MLLT3: variants seen among roughly 807,000 people sequenced by gnomAD.
MLLT3 encodes protein AF-9.
In MLLT3, 4 loss-of-function variants were observed where a neutral mutation model predicts 53.2. That is an observed-to-expected ratio of 0.08 (90% CI 0.04 to 0.17). MLLT3 has a LOEUF of 0.17. MLLT3 is among the 10% of genes least tolerant of loss of function. MLLT3 has a pLI of 1.00. For synonymous variants in MLLT3, 283 were observed against 230.6 expected, an observed-to-expected ratio of 1.23 and a Z score of -2.06; for missense variants, 569 against 684.0, an observed-to-expected ratio of 0.83 and a Z score of 1.87.
chr9:20,420,633 G>A lies in MLLT3; in HGVS notation c.421-6208C>T, dbSNP rs181954977. Among the ~76,000 whole-genome samples, 9 of 152,160 alleles carry A rather than the reference G, an allele frequency of 5.9e-5. No homozygotes were observed. The East Asian group carries it at 1.4e-3, about 23-fold the overall frequency. ...GACCTCATAAAACACAATGAGTACA[G>A]ACACAGTATAATTGACCAAAACAAC... On this transcript the variant is annotated intron_variant, in intron 4 of 10. Transcript: ENST00000380338.
At chr9:20,593,411 G>C (rs1382182372) in intron 2 of MLLT3, among the ~76,000 whole-genome samples, 2 of 152,144 alleles carry the variant, frequency 1.3e-5, no homozygotes, top group African/African-American at 2.4e-5. Context: ...TCTTATCTGA[G>C]ATTCCTTATG....
At chr9:20,417,759 C>A (rs1352907811) in intron 4 of MLLT3, among the ~76,000 whole-genome samples, 1 of 152,070 alleles carries the variant, frequency 6.6e-6, no homozygotes, top group African/African-American at 2.4e-5. Flanking sequence ...TTTTTTGGAA[C>A]AGAATGGGTA....
chr9:20,561,062 A>C (rs1439379249), intron 2 of MLLT3, among the ~76,000 whole-genome samples: 1 of 152,196 alleles, frequency 6.6e-6, no homozygotes, highest in Non-Finnish European at 1.5e-5. Flanking sequence ...ACCAGGGAAC[A>C]TGTATCTACT....
chr9:20,622,245 C>T lies in MLLT3; in HGVS notation c.12G>A (p.Ser4=). Residue 4 remains serine (S), a splice_region_variant and synonymous_variant, in exon 1 of 11, where the codon TCG becomes TCA. Coordinates refer to ENST00000380338, the MANE Select transcript of MLLT3 (RefSeq NM_004529.4). MAS[S]CAVQVKLELG... is the part of the protein sequence containing the mutation. ...TATTATTATTTTTGCGCGTACTTAC[C>T]GAGCTAGCCATGCCTGGGGGCCCGG... is the stretch of plus-strand genomic sequence containing the variant. The T allele has an allele frequency of 6.2e-7, 1 of 1,601,080 alleles. No homozygotes were observed. The highest frequency in any genetic ancestry group is 8.5e-7 in the Non-Finnish European group (1 of 1,173,176).
intron 6 of MLLT3, 52 bp from the exon 7 acceptor site, chr9:20,363,657 TA>T: frequency 6.3e-7 from 1 of 1,578,268 alleles, no homozygotes; most frequent in Non-Finnish European, 8.6e-7. Context: ...CAAACACACT[TA>T]GCCATATTAG....
chr9:20,525,088 G>A (rs1416987093), intron 2 of MLLT3, among the ~76,000 whole-genome samples: 2 of 140,890 alleles, frequency 1.4e-5, no homozygotes, highest in East Asian at 2.1e-4. Context: ...AGACAGGGGA[G>A]AGGATATGAA....
At chr9:20,616,607 G>A (rs1018215104) in intron 2 of MLLT3, among the ~76,000 whole-genome samples, 1 of 152,084 alleles carries the variant, frequency 6.6e-6, no homozygotes, top group Non-Finnish European at 1.5e-5. Context: ...ACATACACTT[G>A]TATAGACATA....
intron 5 of MLLT3, among the ~76,000 whole-genome samples, chr9:20,404,882 A>G (rs1341249882): frequency 6.6e-6 from 1 of 152,044 alleles, no homozygotes; most frequent in East Asian, 1.9e-4. Context: ...CACAAAGATA[A>G]TTGACTGGCC....
intron 2 of MLLT3, among the ~76,000 whole-genome samples, chr9:20,515,832 T>G (rs1045135633): frequency 6.6e-6 from 1 of 152,022 alleles, no homozygotes; most frequent in African/African-American, 2.4e-5. Context: ...GCTGTGGCCT[T>G]CCCCAAAGCT....
intron 2 of MLLT3, among the ~76,000 whole-genome samples, chr9:20,514,990 G>A (rs1817870011): frequency 1.4e-5 from 2 of 144,252 alleles, no homozygotes; most frequent in Admixed American, 7.2e-5. Context: ...ACTGTTGCCC[G>A]GGCTGGAGTG....
intron 2 of MLLT3, among the ~76,000 whole-genome samples, chr9:20,579,370 C>T (rs1819732884): frequency 1.3e-5 from 2 of 151,244 alleles, no homozygotes; most frequent in Admixed American, 6.6e-5. Flanking sequence ...AAGATTCCAT[C>T]TCTATTAAAA....
In MLLT3 at chr9:20,588,194, G is replaced by C. The variant is rs2131182624; in HGVS notation, c.193+32460C>G. On this transcript the variant is annotated intron_variant, in intron 2 of 10. Transcript: ENST00000380338. The stretch of plus-strand genomic sequence containing the variant: ...TCTGAGGGCTCTGTTCTGTTCCATT[G>C]ATCTATATCTCTGTTTTGGTACCAG... Among the ~76,000 whole-genome samples the C allele has an allele frequency of 1.3e-5, 2 of 151,802 alleles. 1 individual carries two copies. The highest frequency in any genetic ancestry group is 4.2e-4 in the South Asian group (2 of 4,788).
chr9:20,617,265 C>T (rs900589753), intron 2 of MLLT3, among the ~76,000 whole-genome samples: 6 of 152,080 alleles, frequency 3.9e-5, no homozygotes, highest in African/African-American at 1.4e-4. Flanking sequence ...AAAAACTTAC[C>T]CAAATTATTT....
chr9:20,407,461 T>G (rs1196017753), intron 5 of MLLT3, among the ~76,000 whole-genome samples: 5 of 152,190 alleles, frequency 3.3e-5, no homozygotes, highest in Admixed American at 3.3e-4. Context: ...GAGGACAACC[T>G]GTCACCTCCT....
Position 20,448,376 on chromosome 9 carries a change from C to A in MLLT3, c.277-110G>T. 2.2e-6 allele frequency: 2 copies of A among 926,538 alleles called. No individual in the cohort carries two copies. The highest frequency in any genetic ancestry group is 2.5e-5 in the Admixed American group (1 of 39,742). The allele number at this position is 926,538 out of a possible 1,614,324, so 57.4% of individuals were successfully genotyped here. A position where few individuals can be genotyped will look rare whatever the true frequency, so the allele number is the denominator to read the frequency against. On this transcript the variant is annotated intron_variant, in intron 3 of 10. Coordinates refer to ENST00000380338, the MANE Select transcript of MLLT3 (RefSeq NM_004529.4). This position sits in a 1 kb window ranked among gnomAD's most constrained non-coding sequence, Gnocchi z 4.0. ...AATAGAAAAGAACTAAGACATCTAA[C>A]AGCTAAACTGTCAAAGTAGTACTGG... is the stretch of plus-strand genomic sequence containing the variant.
At chr9:20,440,502 A>G (rs1005693909) in intron 4 of MLLT3, among the ~76,000 whole-genome samples, 1 of 152,150 alleles carries the variant, frequency 6.6e-6, no homozygotes, top group Non-Finnish European at 1.5e-5. Flanking sequence ...AATTTCCCCT[A>G]AAATTGTTTT....
intron 2 of MLLT3, among the ~76,000 whole-genome samples, chr9:20,511,677 G>A (rs1378120948): frequency 6.6e-6 from 1 of 152,070 alleles, no homozygotes; most frequent in African/African-American, 2.4e-5. Context: ...TAGTCCCTAA[G>A]AAAATATGTA....
Position 20,475,062 on chromosome 9 carries a change from C to T in MLLT3, c.194-18276G>A, listed in dbSNP as rs150033301. Among the ~76,000 whole-genome samples the T allele has an allele frequency of 2.1e-3, 325 of 151,988 alleles. 4 individuals carry two copies. The highest frequency in any genetic ancestry group is 7.2e-3 in the African/African-American group (299 of 41,476). On this transcript the variant is annotated intron_variant, in intron 2 of 10. Coordinates refer to ENST00000380338, the MANE Select transcript of MLLT3 (RefSeq NM_004529.4). The stretch of plus-strand genomic sequence containing the variant: ...ATAAAGTAATGGCATGAGAAATGGC[C>T]GGGGGGTGGGAACTGAATGAATGAA...
intron 2 of MLLT3, among the ~76,000 whole-genome samples, chr9:20,515,158 G>C (rs1290597207): frequency 3.9e-5 from 6 of 152,042 alleles, no homozygotes; most frequent in Non-Finnish European, 8.8e-5. Flanking sequence ...ATGTTGGCCA[G>C]GCTGGTCTCA....
Sources: gnomAD v4.1 joint callset for allele counts (sites outside exome capture counted in the v4.1 genomes callset) on GRCh38, gnomAD v4.1.1 for gene constraint, Gnocchi (gnomAD v3.1) non-coding constraint, MANE v1.5 for transcripts, NCBI Gene and HGNC (gene_info 2026-07-23, HGNC 2026-07-21) for gene names.